TRABD2A: variants seen among roughly 807,000 people sequenced by gnomAD.
The protein encoded by TRABD2A is metalloprotease TIKI1.
Under a neutral mutation model 45.6 loss-of-function variants are expected in TRABD2A, and 43 were observed. That is an observed-to-expected ratio of 0.94 (90% CI 0.74 to 1.22). The LOEUF (loss-of-function observed/expected upper bound fraction) is 1.22. Among genes scored for constraint, TRABD2A ranks in the 50% most tolerant of loss-of-function variants. The pLI, the probability that TRABD2A is intolerant of heterozygous loss-of-function variation, is 0.00. For missense variants in TRABD2A, 642 were observed against 652.4 expected (o/e 0.98, Z 0.17); for synonymous variants, 269 against 265.0 (o/e 1.02, Z -0.15).
chr2:84,825,524 ATATAT>A (rs771877863), intron 5 of TRABD2A, among the ~76,000 whole-genome samples: 6 of 152,236 alleles, frequency 3.9e-5, no homozygotes, highest in Non-Finnish European at 8.8e-5. Context: ...ACAGGGCTTA[ATATAT>A]TATTACTGTC....
chr2:84,839,322 A>C lies in TRABD2A; in HGVS notation c.818T>G (p.Val273Gly). Residue 273 changes from valine (V) to glycine (G), a missense_variant and splice_region_variant, in exon 4 of 7, where the codon GTT (valine) becomes GGT (glycine). By Grantham distance (109) the Val-to-Gly change is moderately radical. Coordinates refer to ENST00000409520, the MANE Select transcript of TRABD2A (RefSeq NM_001277053.2). ...SVILSHDSSQ[V>G]PNFINATLPP... ...TAGCGTGGCATTAATAAAATTGGGA[A>C]CCTCCACCAAAATAAAGAGAAAAAA... is the stretch of plus-strand genomic sequence containing the variant. 7.5e-6 allele frequency: 12 copies of C among 1,598,140 alleles called. No homozygotes were observed. The highest frequency in any genetic ancestry group is 1.0e-5 in the Non-Finnish European group (12 of 1,172,836).
At chr2:84,871,905 C>T (rs74417790) in intron 1 of TRABD2A, among the ~76,000 whole-genome samples, 27,433 of 152,188 alleles carry the variant, frequency 0.18, 3,080 homozygotes, top group African/African-American at 0.32. Context: ...GTGGATCACA[C>T]TTATTTCTCT....
rs756444821 is a variant in TRABD2A at position 84,870,218 on chromosome 2, G to T, written c.669+7C>A. On this transcript the variant is annotated splice_region_variant and intron_variant, in intron 2 of 6. Coordinates refer to ENST00000409520, the MANE Select transcript of TRABD2A (RefSeq NM_001277053.2). ...CCACTAAGTCTTTTATGCAAAGAGA[G>T]TCTTACCTGTGAAAAGTTCAACCCA... is the stretch of plus-strand genomic sequence containing the variant. 5.6e-6 allele frequency: 9 copies of T among 1,601,774 alleles called. No homozygotes were observed. In the Admixed American group the frequency reaches 1.5e-4, roughly 27 times the overall value.
intron 5 of TRABD2A, among the ~76,000 whole-genome samples, chr2:84,828,781 C>T (rs1681224403): frequency 6.6e-6 from 1 of 152,178 alleles, no homozygotes; most frequent in Non-Finnish European, 1.5e-5. Flanking sequence ...AAAATTAGAT[C>T]CTTGTCCGGA....
Position 84,828,805 on chromosome 2 carries a change from AAGAG to A in TRABD2A, c.1082+3246_1082+3249del, listed in dbSNP as rs528685601. On this transcript the variant is annotated intron_variant, in intron 5 of 6. Coordinates refer to ENST00000409520, the MANE Select transcript of TRABD2A (RefSeq NM_001277053.2). Reference sequence around the variant, plus strand: ...TCCTTGTCCGGAAGGCTCTAGAAGAAAGAGAGAGCTCTTGCACAAACCATAGGTT... The same window carrying A: ...TCCTTGTCCGGAAGGCTCTAGAAGAAAGAGCTCTTGCACAAACCATAGGTT... Among the ~76,000 whole-genome samples the A allele has an allele frequency of 1.0e-3, 153 of 152,346 alleles. 1 individual carries two copies. Among genetic ancestry groups the A allele is most frequent in the African/African-American group, 2.9e-3 (119 of 41,584 alleles).
chr2:84,840,431 T>C (rs1424294876), intron 3 of TRABD2A, among the ~76,000 whole-genome samples: 1 of 152,044 alleles, frequency 6.6e-6, no homozygotes, highest in African/African-American at 2.4e-5. Context: ...TGCTCCACCT[T>C]CTAAATTCCA....
At chr2:84,838,011 C>T in intron 4 of TRABD2A, 1 of 468,964 alleles carries the variant, frequency 2.1e-6, no homozygotes, top group Non-Finnish European at 3.8e-6. Context: ...CAACACACAC[C>T]CTAAGAATAG....
chr2:84,845,502 A>G (rs189946854), intron 2 of TRABD2A, among the ~76,000 whole-genome samples: 144 of 151,430 alleles, frequency 9.5e-4, no homozygotes, highest in African/African-American at 3.3e-3. Flanking sequence ...CATCAGTGAC[A>G]GGTTTCTGGC....
At chr2:84,858,914 T>C (rs7593934) in intron 2 of TRABD2A, among the ~76,000 whole-genome samples, 28,876 of 152,080 alleles carry the variant, frequency 0.19, 3,508 homozygotes, top group African/African-American at 0.35. Context: ...GATCTTTAGA[T>C]GCCAGGAGTT....
In TRABD2A at chr2:84,822,083, A is replaced by T; in HGVS notation, c.1352T>A (p.Leu451His). ...GTGCCTGTCCAGGACAGGGACCTGGAGTTGCGGGACTATGTCACTAGGAGG... is the reference window on the plus strand; with the variant it reads ...GTGCCTGTCCAGGACAGGGACCTGGTGTTGCGGGACTATGTCACTAGGAGG... ...RLEESDIVPQ[L>H]QVPVLDRHIS... is the part of the protein sequence containing the mutation. The change falls in exon 7 of 7, where the codon CTC (leucine) becomes CAC (histidine). Residue 451 changes from leucine to histidine, a missense_variant. By Grantham distance (99) the Leu-to-His change is moderately conservative. Coordinates refer to ENST00000409520, the MANE Select transcript of TRABD2A (RefSeq NM_001277053.2). 6.3e-7 allele frequency: 1 copy of T among 1,579,618 alleles called. No individual in the cohort carries two copies. The highest frequency in any genetic ancestry group is 8.6e-7 in the Non-Finnish European group (1 of 1,162,338).
chr2:84,866,229 G>T (rs1483534109), intron 2 of TRABD2A, among the ~76,000 whole-genome samples: 2 of 152,206 alleles, frequency 1.3e-5, no homozygotes, highest in African/African-American at 4.8e-5. Context: ...GACAATATTG[G>T]CCACATCTAA....
Position 84,821,795 on chromosome 2 carries a change from C to A in TRABD2A, c.*122G>T, listed in dbSNP as rs1427582030. 9.3e-7 allele frequency: 1 copy of A among 1,074,256 alleles called. No homozygotes were observed. Among genetic ancestry groups the A allele is most frequent in the Non-Finnish European group, 1.2e-6 (1 of 803,704 alleles). The allele number at this position is 1,074,256 out of a possible 1,614,324, so 66.5% of individuals were successfully genotyped here. A position where few individuals can be genotyped will look rare whatever the true frequency, so the allele number is the denominator to read the frequency against. ...GGAAAGAGAAGAATCAACACTGGGC[C>A]GCTTTTTCAAGAGCAGTCTCTTCTG... On this transcript the variant is annotated 3_prime_UTR_variant, in exon 7 of 7. Coordinates refer to ENST00000409520, the MANE Select transcript of TRABD2A (RefSeq NM_001277053.2).
chr2:84,840,077 T>C (rs1456876775), intron 3 of TRABD2A, among the ~76,000 whole-genome samples: 1 of 152,076 alleles, frequency 6.6e-6, no homozygotes, highest in Non-Finnish European at 1.5e-5. Flanking sequence ...CCCAGGGACT[T>C]AACAATGTTA....
At chr2:84,863,605 T>C (rs1184484169) in intron 2 of TRABD2A, among the ~76,000 whole-genome samples, 2 of 98,960 alleles carry the variant, frequency 2.0e-5, no homozygotes, top group African/African-American at 5.4e-5. Context: ...TTCTTTTTTT[T>C]TTTTTTTTTT....
chr2:84,837,043 G>GAGTAC (rs1161347109), intron 4 of TRABD2A: 2 of 142,706 alleles, frequency 1.4e-5, no homozygotes. Flanking sequence ...GCCCAGGCTG[G>GAGTAC]AGTACAGTGG....
chr2:84,822,806 C>T (rs1178430410), intron 6 of TRABD2A, among the ~76,000 whole-genome samples: 2 of 152,240 alleles, frequency 1.3e-5, no homozygotes, highest in Non-Finnish European at 2.9e-5. Context: ...GCAGATCACA[C>T]AGCATATCAC....
intron 2 of TRABD2A, among the ~76,000 whole-genome samples, chr2:84,848,937 G>A (rs761945754): frequency 2.0e-5 from 3 of 152,040 alleles, no homozygotes; most frequent in African/African-American, 2.4e-5. Context: ...TCTGGTGAAC[G>A]AGTAGCCTTC....
chr2:84,854,981 C>T (rs1005318534), intron 2 of TRABD2A, among the ~76,000 whole-genome samples: 23 of 152,162 alleles, frequency 1.5e-4, no homozygotes, highest in Non-Finnish European at 7.3e-5. Context: ...CCTACCCAAA[C>T]CACAGCCTCT....
intron 2 of TRABD2A, among the ~76,000 whole-genome samples, chr2:84,846,111 C>A (rs1681887415): frequency 6.6e-6 from 1 of 152,148 alleles, no homozygotes; most frequent in African/African-American, 2.4e-5. Context: ...GGAGGGAGGT[C>A]ACCTTGTGTC....
Sources: gnomAD v4.1 joint callset for allele counts (sites outside exome capture counted in the v4.1 genomes callset) on GRCh38, gnomAD v4.1.1 for gene constraint, MANE v1.5 for transcripts, NCBI Gene and HGNC (gene_info 2026-07-23, HGNC 2026-07-21) for gene names.